Variants in KLHL2 observed in about 807,000 individuals in gnomAD.
The protein encoded by KLHL2 is kelch like family member 2.
Under a neutral mutation model 75.8 loss-of-function variants are expected in KLHL2, and 15 were observed. The ratio of observed to expected loss-of-function variants is 0.20; its 90% CI spans 0.13 to 0.30. The LOEUF is 0.30. Ranked by LOEUF, KLHL2 falls within the 10% of genes least tolerant of loss-of-function variation. KLHL2 has a pLI of 1.00. For missense variants in KLHL2, 381 were observed against 741.0 expected (o/e 0.51, Z 5.64); for synonymous variants, 214 against 251.9 (o/e 0.85, Z 1.42).
At chr4:165,216,601 C>T (rs1469405992) in intron 1 of KLHL2, among the ~76,000 whole-genome samples, 5 of 152,114 alleles carry the variant, frequency 3.3e-5, no homozygotes, top group Non-Finnish European at 7.4e-5. Flanking sequence ...AAAGGGTAAA[C>T]CTTTACCTCT....
intron 5 of KLHL2, among the ~76,000 whole-genome samples, chr4:165,291,903 C>T (rs924364370): frequency 3.9e-5 from 6 of 151,948 alleles, no homozygotes; most frequent in African/African-American, 1.4e-4. Flanking sequence ...GATCCTAGCT[C>T]ACTGCAGCCT....
chr4:165,232,521 A>G (rs1471265173), intron 3 of KLHL2, among the ~76,000 whole-genome samples: 1 of 152,070 alleles, frequency 6.6e-6, no homozygotes, highest in African/African-American at 2.4e-5. Context: ...GCTTGAGCCC[A>G]TAAGTTCTAA....
At chr4:165,259,775 G>T (rs977847545) in intron 4 of KLHL2, among the ~76,000 whole-genome samples, 1 of 152,176 alleles carries the variant, frequency 6.6e-6, no homozygotes, top group Admixed American at 6.5e-5. Context: ...TAAATTTGGG[G>T]TTGAAGGTAT....
At chr4:165,251,588 C>T (rs186822704) in intron 4 of KLHL2, among the ~76,000 whole-genome samples, 2 of 149,686 alleles carry the variant, frequency 1.3e-5, no homozygotes, top group East Asian at 3.9e-4. Context: ...TAGATGGATA[C>T]GAAACCCAAA....
intron 4 of KLHL2, among the ~76,000 whole-genome samples, chr4:165,245,378 T>G (rs1419380436): frequency 6.6e-6 from 1 of 152,162 alleles, no homozygotes; most frequent in Non-Finnish European, 1.5e-5. Context: ...GGCAGTGCCT[T>G]TATCCAGGAA....
chr4:165,218,216 G>T (rs1020330522), intron 1 of KLHL2, among the ~76,000 whole-genome samples: 1 of 152,222 alleles, frequency 6.6e-6, no homozygotes, highest in Middle Eastern at 3.4e-3. Context: ...TTTGGAAAAC[G>T]TAAGTCGGAT....
chr4:165,264,733 T>TAC (rs1742068831), intron 5 of KLHL2, among the ~76,000 whole-genome samples: 4 of 81,120 alleles, frequency 4.9e-5, no homozygotes, highest in Non-Finnish European at 7.4e-5. Context: ...TATATATATA[T>TAC]ATATATGTAT....
intron 6 of KLHL2, among the ~76,000 whole-genome samples, chr4:165,296,169 A>G (rs1579146506): frequency 6.6e-6 from 1 of 152,254 alleles, no homozygotes; most frequent in East Asian, 1.9e-4. Context: ...TACTGGAGCC[A>G]TAGATCTGGA....
chr4:165,253,907 T>C (rs1235366538), intron 4 of KLHL2, among the ~76,000 whole-genome samples: 1 of 152,246 alleles, frequency 6.6e-6, no homozygotes, highest in African/African-American at 2.4e-5. Flanking sequence ...TATTACAGTT[T>C]AGCATGTTAA....
At chr4:165,279,789 G>A in intron 5 of KLHL2, 1 of 729,372 alleles carries the variant, frequency 1.4e-6, no homozygotes, top group Non-Finnish European at 2.5e-6. Flanking sequence ...CTGGCTAGCA[G>A]GCTACTGCGT....
chr4:165,289,825 G>A (rs531898152), intron 5 of KLHL2, among the ~76,000 whole-genome samples: 1 of 152,300 alleles, frequency 6.6e-6, no homozygotes, highest in East Asian at 1.9e-4. Flanking sequence ...GTATGGAAAA[G>A]TTCTCTCAGT....
intron 9 of KLHL2, among the ~76,000 whole-genome samples, chr4:165,307,733 G>T (rs992850439): frequency 1.3e-5 from 2 of 152,092 alleles, no homozygotes; most frequent in Non-Finnish European, 2.9e-5. Flanking sequence ...GGGTAACCTT[G>T]TTCTCTTGGT....
intron 3 of KLHL2, among the ~76,000 whole-genome samples, chr4:165,233,855 A>C (rs1457766203): frequency 6.6e-6 from 1 of 152,248 alleles, no homozygotes; most frequent in Non-Finnish European, 1.5e-5. Flanking sequence ...TGTAACAGCA[A>C]ATGCCACTCA....
Position 165,269,205 on chromosome 4 carries a change from CTT to C in KLHL2, c.544+5848_544+5849del, listed in dbSNP as rs1439719385. On this transcript the variant is annotated intron_variant, in intron 5 of 14. Transcript: ENST00000226725. ...CCCTTTATTTTGAGCCTGTGTGTGT[CTT>C]TGCATGTGAGATGGGTCTCGTGAAT... Among the ~76,000 whole-genome samples the C allele has an allele frequency of 2.0e-5, 3 of 152,072 alleles. No homozygotes were observed. In the East Asian group the frequency reaches 5.8e-4, roughly 29 times the overall value.
chr4:165,260,577 T>G (rs76580582), intron 4 of KLHL2, among the ~76,000 whole-genome samples: 8,210 of 148,200 alleles, frequency 0.055, 437 homozygotes, highest in African/African-American at 0.14. Flanking sequence ...TGTGTGTGTG[T>G]GGGGGGGGTG....
chr4:165,267,368 G>C (rs1742320883), intron 5 of KLHL2, among the ~76,000 whole-genome samples: 2 of 152,212 alleles, frequency 1.3e-5, no homozygotes, highest in Non-Finnish European at 2.9e-5. Flanking sequence ...AGTGGTGAGA[G>C]AGGGCATCCT....
intron 5 of KLHL2, among the ~76,000 whole-genome samples, chr4:165,281,197 TG>T (rs1340736719): frequency 6.6e-6 from 1 of 152,228 alleles, no homozygotes; most frequent in Non-Finnish European, 1.5e-5. Context: ...AAGGGTACTT[TG>T]TACCTTATTA....
At chr4:165,232,114 T>C (rs1200434737) in intron 3 of KLHL2, among the ~76,000 whole-genome samples, 4 of 152,202 alleles carry the variant, frequency 2.6e-5, no homozygotes, top group Admixed American at 2.6e-4. Flanking sequence ...CTGTTTTTTT[T>C]CTTCTACTTT....
intron 3 of KLHL2, 65 bp from the exon 4 acceptor site, chr4:165,238,713 A>G (rs2111100773): frequency 6.2e-7 from 1 of 1,602,956 alleles, no homozygotes; most frequent in Non-Finnish European, 8.5e-7. Context: ...ATCAATCTAC[A>G]TTGGCATTGG....
Sources: allele counts gnomAD v4.1 joint callset (sites outside exome capture counted in the v4.1 genomes callset), GRCh38; gene constraint gnomAD v4.1.1; transcripts MANE v1.5; gene names NCBI Gene and HGNC (gene_info 2026-07-23, HGNC 2026-07-21).